NACC2: variants seen among roughly 807,000 people sequenced by gnomAD.
The protein encoded by NACC2 is nucleus accumbens-associated protein 2.
In NACC2, 8 loss-of-function variants were observed where a neutral mutation model predicts 25.1. The observed-to-expected ratio is 0.32, with a 90% CI of 0.19 to 0.57. The LOEUF (loss-of-function observed/expected upper bound fraction) is 0.57, where lower values mean the gene tolerates loss of function less well. Among genes scored for constraint, NACC2 ranks in the 20% least tolerant of loss-of-function variants. NACC2 has a pLI of 0.89. For synonymous variants in NACC2, 435 were observed against 294.7 expected, an observed-to-expected ratio of 1.48 and a Z score of -4.88; for missense variants, 644 against 650.2, an observed-to-expected ratio of 0.99 and a Z score of 0.10.
At chr9:136,062,191 A>T (rs894568131) in intron 1 of NACC2, among the ~76,000 whole-genome samples, 1 of 151,986 alleles carries the variant, frequency 6.6e-6, no homozygotes, top group Non-Finnish European at 1.5e-5. Context: ...AAAGAGAGAG[A>T]AAAGAAAGAA....
At chr9:136,092,045 T>A (rs140757727) in intron 1 of NACC2, among the ~76,000 whole-genome samples, 7 of 152,014 alleles carry the variant, frequency 4.6e-5, no homozygotes, top group African/African-American at 1.7e-4. Flanking sequence ...ACCTGGGGAT[T>A]AGGGGGCGCC....
rs1840189724 is a variant in NACC2, at chr9:136,015,731, G to A, written c.1051+534C>T. ...ACCAAAGAAGATGCCCATGGCGTGG[G>A]TCAGACTGGCTTTAGCCTGCCCCAT... On this transcript the variant is annotated intron_variant, in intron 3 of 5. Coordinates refer to ENST00000277554, the MANE Select transcript of NACC2 (RefSeq NM_144653.5). Among the ~76,000 whole-genome samples, 3 of 152,372 alleles carry A rather than the reference G, an allele frequency of 2.0e-5. No individual in the cohort carries two copies. The South Asian group carries it at 6.2e-4, about 32-fold the overall frequency.
chr9:136,067,944 G>T (rs1199867756), intron 1 of NACC2, among the ~76,000 whole-genome samples: 3 of 152,212 alleles, frequency 2.0e-5, no homozygotes, highest in African/African-American at 7.2e-5. Context: ...TTACTGTACT[G>T]AATAGCATAG....
intron 2 of NACC2, among the ~76,000 whole-genome samples, chr9:136,026,343 C>CAA (rs34514433): frequency 2.4e-4 from 11 of 45,510 alleles, no homozygotes; most frequent in African/African-American, 3.3e-4. Flanking sequence ...AACTCCATCT[C>CAA]AAAAAAAAAA....
At chr9:136,067,463 T>C (rs1455671683) in intron 1 of NACC2, among the ~76,000 whole-genome samples, 1 of 152,144 alleles carries the variant, frequency 6.6e-6, no homozygotes, top group African/African-American at 2.4e-5. Flanking sequence ...TCCTGAGAAA[T>C]GCATCATTAG....
At chr9:136,068,951 CTT>C (rs1343638188) in intron 1 of NACC2, among the ~76,000 whole-genome samples, 1 of 147,806 alleles carries the variant, frequency 6.8e-6, no homozygotes, top group Non-Finnish European at 1.5e-5. Flanking sequence ...GAGTTTTACT[CTT>C]GTTGCCCAGG....
intron 1 of NACC2, among the ~76,000 whole-genome samples, chr9:136,068,212 G>A (rs1220474533): frequency 1.3e-5 from 2 of 152,082 alleles, no homozygotes; most frequent in Non-Finnish European, 1.5e-5. Flanking sequence ...AAAAGTAATT[G>A]TGTGGCTGGG....
chr9:136,034,777 T>C lies in NACC2; in HGVS notation c.886+14859A>G, dbSNP rs1052491199. On this transcript the variant is annotated intron_variant, in intron 2 of 5. Coordinates refer to ENST00000277554, the MANE Select transcript of NACC2 (RefSeq NM_144653.5). ...CTGTAAGACTGCTAACTAGTAAATA[T>C]GGGAGTTGTGGAGTTAGAAATAATC... Among the ~76,000 whole-genome samples, 12 of 152,120 alleles carry C rather than the reference T, an allele frequency of 7.9e-5. No homozygotes were observed. In the East Asian group the frequency reaches 9.7e-4, roughly 12 times the overall value.
chr9:136,015,193 G>A (rs1588556457), intron 3 of NACC2, among the ~76,000 whole-genome samples: 1 of 152,336 alleles, frequency 6.6e-6, no homozygotes, highest in East Asian at 1.9e-4. Context: ...CACAGCTGCT[G>A]GAGGCTGGGA....
intron 1 of NACC2, among the ~76,000 whole-genome samples, chr9:136,050,920 G>A (rs1840822782): frequency 1.3e-5 from 2 of 152,130 alleles, no homozygotes; most frequent in Admixed American, 6.5e-5. Flanking sequence ...CGGGACAGGA[G>A]GTGGGGGCCG....
chr9:136,015,784 C>T (rs769027101), intron 3 of NACC2, among the ~76,000 whole-genome samples: 1 of 152,220 alleles, frequency 6.6e-6, no homozygotes, highest in Non-Finnish European at 1.5e-5. Flanking sequence ...TAAAAATCTA[C>T]AAGGAGCTAT....
intron 2 of NACC2, among the ~76,000 whole-genome samples, chr9:136,046,817 G>A (rs1325156791): frequency 2.0e-5 from 3 of 152,232 alleles, no homozygotes; most frequent in Non-Finnish European, 4.4e-5. Context: ...GACCCTTGCC[G>A]TGAGGCCACA....
intron 1 of NACC2, among the ~76,000 whole-genome samples, chr9:136,090,642 C>A (rs1830424947): frequency 6.6e-6 from 1 of 152,230 alleles, no homozygotes; most frequent in South Asian, 2.1e-4. Flanking sequence ...CAGATTCCAA[C>A]ATCAGCTCCT....
intron 1 of NACC2, among the ~76,000 whole-genome samples, chr9:136,051,471 G>T (rs1340400329): frequency 6.6e-6 from 1 of 152,220 alleles, no homozygotes; most frequent in African/African-American, 2.4e-5. Context: ...CCGGGGCTGG[G>T]AGCTGGGGAG....
intron 2 of NACC2, among the ~76,000 whole-genome samples, chr9:136,026,663 T>G (rs1469178821): frequency 6.6e-6 from 1 of 152,232 alleles, no homozygotes; most frequent in African/African-American, 2.4e-5. Context: ...AAGGCACGTC[T>G]AGTGGTGCTT....
intron 1 of NACC2, among the ~76,000 whole-genome samples, chr9:136,077,164 G>GA (rs1409916622): frequency 2.1e-5 from 3 of 144,662 alleles, no homozygotes; most frequent in Non-Finnish European, 3.0e-5. Context: ...GGGTGACAGA[G>GA]AAAAAAACAA....
chr9:136,092,400 C>T (rs1830442187), intron 1 of NACC2, among the ~76,000 whole-genome samples: 1 of 152,212 alleles, frequency 6.6e-6, no homozygotes, highest in African/African-American at 2.4e-5. Context: ...TCACAAACTC[C>T]CGCACCTGCC....
chr9:136,075,552 G>C (rs547919352), intron 1 of NACC2, among the ~76,000 whole-genome samples: 2 of 152,256 alleles, frequency 1.3e-5, no homozygotes, highest in Non-Finnish European at 2.9e-5. Flanking sequence ...CCAGGCTGTC[G>C]TGCCTGAGGA....
chr9:136,056,312 G>T (rs1840923678), intron 1 of NACC2, among the ~76,000 whole-genome samples: 1 of 152,194 alleles, frequency 6.6e-6, no homozygotes, highest in South Asian at 2.1e-4. Context: ...GCAGCTCTGG[G>T]CCAGGGCCCT....
Sources: allele counts gnomAD v4.1 joint callset (sites outside exome capture counted in the v4.1 genomes callset), GRCh38; gene constraint gnomAD v4.1.1; transcripts MANE v1.5; gene names NCBI Gene and HGNC (gene_info 2026-07-23, HGNC 2026-07-21).